Variants in BRIP1 observed in about 807,000 individuals in gnomAD.
BRIP1 encodes BRCA1 interacting DNA helicase 1, also known as Fanconi anemia group J protein.
Under a neutral mutation model 119.7 loss-of-function variants are expected in BRIP1, and 88 were observed. The ratio of observed to expected loss-of-function variants is 0.74; its 90% confidence interval spans 0.62 to 0.88. BRIP1 has a LOEUF of 0.88. BRIP1 is among the 40% of genes least tolerant of loss of function. The pLI is 0.00. For missense variants in BRIP1, 1,259 were observed against 1,455.4 expected (o/e 0.87, Z 2.20); for synonymous variants, 443 against 496.5 (o/e 0.89, Z 1.43).
chr17:61,856,410 T>C lies in BRIP1; in HGVS notation c.379+648A>G, dbSNP rs2078896856. On this transcript the variant is annotated intron_variant, in intron 4 of 19. Transcript: ENST00000259008. The surrounding 1 kb of genome is among the most constrained non-coding windows in gnomAD (Gnocchi z 5.1). Reference sequence around the variant, plus strand: ...GGATGCTCTAAACAAGAAATGGTAGTTTGGACTATGGAGGTACCAATGGAT... The same window carrying C: ...GGATGCTCTAAACAAGAAATGGTAGCTTGGACTATGGAGGTACCAATGGAT... Among the ~76,000 whole-genome samples, 1 of 152,184 alleles carries C rather than the reference T, an allele frequency of 6.6e-6. No homozygotes were observed.
chr17:61,746,491 G>A lies in BRIP1; in HGVS notation c.2098-1900C>T, dbSNP rs558289086. Among the ~76,000 whole-genome samples the A allele has an allele frequency of 4.6e-5, 7 of 152,170 alleles. No individual in the cohort carries two copies. The highest frequency in any genetic ancestry group is 7.4e-5 in the Non-Finnish European group (5 of 67,964). On this transcript the variant is annotated intron_variant, in intron 14 of 19. Transcript: ENST00000259008. The surrounding 1 kb of genome is among the most constrained non-coding windows in gnomAD (Gnocchi z 4.9). ...CCCATAGGCTGAAAGTGAAGGGATA[G>A]AAAAAGATATTACTTATAAATGGTA...
Position 61,681,146 on chromosome 17 carries a change from A to T in BRIP1, c.*2150T>A, listed in dbSNP as rs1040365032. ...CGCCCCCACGATTCAATTACCTCCC[A>T]CTGGGTCCTTCCCACAACACGTCGG... On this transcript the variant is annotated 3_prime_UTR_variant, in exon 20 of 20. Transcript: ENST00000259008. This position sits in a 1 kb window ranked among gnomAD's most constrained non-coding sequence, Gnocchi z 5.1. 3 of 190,256 alleles carry T rather than the reference A, an allele frequency of 1.6e-5. No individual in the cohort carries two copies. The highest frequency in any genetic ancestry group is 4.7e-5 in the African/African-American group (2 of 42,870). 11.8% of individuals were successfully genotyped at this position (190,256 alleles called of 1,614,324 possible). A position where few individuals can be genotyped will look rare whatever the true frequency, so the allele number is the denominator to read the frequency against.
chr17:61,765,415 ATATATATATTTTTTTTTTTTTTTTTTTT>A (rs1567799079), intron 14 of BRIP1, among the ~76,000 whole-genome samples: 1 of 13,682 alleles, frequency 7.3e-5, no homozygotes, highest in African/African-American at 4.0e-4. Context: ...ATATATATAT[ATATATATATTTTTTTTTTTTTTTTTTTT>A]TTTTTTTTTT....
At chr17:61,813,690 C>T (rs1482282949) in intron 6 of BRIP1, among the ~76,000 whole-genome samples, 3 of 151,976 alleles carry the variant, frequency 2.0e-5, no homozygotes, top group African/African-American at 4.8e-5. Context: ...AATAATACTG[C>T]CATTTTTAAG....
intron 6 of BRIP1, among the ~76,000 whole-genome samples, chr17:61,837,503 C>T (rs2078592692): frequency 6.6e-6 from 1 of 151,754 alleles, no homozygotes; most frequent in African/African-American, 2.4e-5. Context: ...AATATAATTA[C>T]TTTAATTAAA....
Position 61,807,098 on chromosome 17 carries a change from T to C in BRIP1, c.918+1369A>G, listed in dbSNP as rs981343134. 1.4e-4 allele frequency among the ~76,000 whole-genome samples: 21 copies of C among 152,232 alleles called. No homozygotes were observed. The highest frequency in any genetic ancestry group is 2.6e-4 in the Non-Finnish European group (18 of 68,040). ...AGCAAGTCTTCTTGCATAGGCTATA[T>C]AGCCAAAAAATAAATTTCAAGCATT... On this transcript the variant is annotated intron_variant, in intron 7 of 19. Coordinates refer to ENST00000259008, the MANE Select transcript of BRIP1 (RefSeq NM_032043.3). This position sits in a 1 kb window ranked among gnomAD's most constrained non-coding sequence, Gnocchi z 4.5.
At position 61,845,720 on chromosome 17, in the gene BRIP1, A is replaced by G. The variant is rs1319529978; in HGVS notation, c.627+1381T>C. ...GTCAGCTCACAATCCAAACTATCCT[A>G]CAGGCGCTTCTCCCCAGGACATCCA... is the stretch of plus-strand genomic sequence containing the variant. On this transcript the variant is annotated intron_variant, in intron 6 of 19. Coordinates refer to ENST00000259008, the MANE Select transcript of BRIP1 (RefSeq NM_032043.3). This position sits in a 1 kb window ranked among gnomAD's most constrained non-coding sequence, Gnocchi z 4.2. 2.0e-5 allele frequency among the ~76,000 whole-genome samples: 3 copies of G among 152,200 alleles called. No individual in the cohort carries two copies. Among genetic ancestry groups the G allele is most frequent in the African/African-American group, 7.2e-5 (3 of 41,446 alleles).
At position 61,780,144 on chromosome 17, in the gene BRIP1, G is replaced by T; in HGVS notation, c.1935+117C>A. 1.8e-6 allele frequency: 2 copies of T among 1,130,404 alleles called. No homozygotes were observed. The highest frequency in any genetic ancestry group is 1.3e-6 in the Non-Finnish European group (1 of 768,294). The allele number at this position is 1,130,404 out of a possible 1,614,324, so 70.0% of individuals were successfully genotyped here. A position where few individuals can be genotyped will look rare whatever the true frequency, so the allele number is the denominator to read the frequency against. ...TTTTCTTTTATTGTAAAACTGGAAT[G>T]TTGAATTTCCTACCAAGATTTACTT... On this transcript the variant is annotated intron_variant, in intron 13 of 19. Coordinates refer to ENST00000259008, the MANE Select transcript of BRIP1 (RefSeq NM_032043.3). This position sits in a 1 kb window ranked among gnomAD's most constrained non-coding sequence, Gnocchi z 5.4.
chr17:61,813,895 A>C (rs886634603), intron 6 of BRIP1, among the ~76,000 whole-genome samples: 1 of 151,954 alleles, frequency 6.6e-6, no homozygotes, highest in African/African-American at 2.4e-5. Context: ...CACCATTTTC[A>C]CTCATAAACC....
rs2077437365 is a variant in BRIP1, at chr17:61,770,811, C to G, written c.2097+5590G>C. 6.6e-6 allele frequency among the ~76,000 whole-genome samples: 1 copy of G among 151,858 alleles called. No homozygotes were observed. Among genetic ancestry groups the G allele is most frequent in the South Asian group, 2.1e-4 (1 of 4,802 alleles). ...TGACACATTAGAAAAATTTAAATGG[C>G]ACACTAGAAAATATCTATCTATTAG... On this transcript the variant is annotated intron_variant, in intron 14 of 19. Coordinates refer to ENST00000259008, the MANE Select transcript of BRIP1 (RefSeq NM_032043.3). The surrounding 1 kb of genome is among the most constrained non-coding windows in gnomAD (Gnocchi z 4.7).
chr17:61,760,991 A>G lies in BRIP1; in HGVS notation c.2097+15410T>C, dbSNP rs1389417713. 2.0e-5 allele frequency among the ~76,000 whole-genome samples: 3 copies of G among 152,080 alleles called. No individual in the cohort carries two copies. Among genetic ancestry groups the G allele is most frequent in the Non-Finnish European group, 4.4e-5 (3 of 67,936 alleles). On this transcript the variant is annotated intron_variant, in intron 14 of 19. Coordinates refer to ENST00000259008, the MANE Select transcript of BRIP1 (RefSeq NM_032043.3). The surrounding 1 kb of genome is among the most constrained non-coding windows in gnomAD (Gnocchi z 4.6). ...AGGCCAATATCCTTGATAAATAGAA[A>G]AGCAAAAATCCTCAACAAAATACTA...
chr17:61,843,134 A>G lies in BRIP1; in HGVS notation c.627+3967T>C, dbSNP rs2078680971. ...GATGTAGAAGGAAAAATACTACATG[A>G]TCTCACTTATACGTGGAATCTAAAA... On this transcript the variant is annotated intron_variant, in intron 6 of 19. Transcript: ENST00000259008. The surrounding 1 kb of genome is among the most constrained non-coding windows in gnomAD (Gnocchi z 5.7). Among the ~76,000 whole-genome samples, 2 of 152,226 alleles carry G rather than the reference A, an allele frequency of 1.3e-5. No homozygotes were observed. Among genetic ancestry groups the G allele is most frequent in the Admixed American group, 1.3e-4 (2 of 15,288 alleles).
chr17:61,797,281 A>G (rs1343790182), intron 9 of BRIP1, among the ~76,000 whole-genome samples: 4 of 151,900 alleles, frequency 2.6e-5, no homozygotes, highest in African/African-American at 7.3e-5. Flanking sequence ...ATCAAAAAGA[A>G]TAAGAATTAT....
At chr17:61,733,000 A>G (rs1266289510) in intron 16 of BRIP1, among the ~76,000 whole-genome samples, 1 of 152,198 alleles carries the variant, frequency 6.6e-6, no homozygotes, top group Non-Finnish European at 1.5e-5. Context: ...GGCCGTCATT[A>G]ACATAGTTTT....
At chr17:61,716,833 T>TAATATGCTTCCATATTGTTTCCAC (rs1288480824) in intron 16 of BRIP1, among the ~76,000 whole-genome samples, 1 of 17,472 alleles carries the variant, frequency 5.7e-5, no homozygotes, top group Non-Finnish European at 1.3e-4. Context: ...CACTACTGGA[T>TAATATGCTTCCATATTGTTTCCAC]TATTAGCTAT....
In BRIP1 at chr17:61,756,464, T is replaced by C. The variant is rs1217522243; in HGVS notation, c.2098-11873A>G. Among the ~76,000 whole-genome samples the C allele has an allele frequency of 6.6e-6, 1 of 152,212 alleles. No individual in the cohort carries two copies. Among genetic ancestry groups the C allele is most frequent in the East Asian group, 1.9e-4 (1 of 5,192 alleles). On this transcript the variant is annotated intron_variant, in intron 14 of 19. Coordinates refer to ENST00000259008, the MANE Select transcript of BRIP1 (RefSeq NM_032043.3). This position sits in a 1 kb window ranked among gnomAD's most constrained non-coding sequence, Gnocchi z 4.3. ...TCATATAGGGAGACCAGCCAACATA[T>C]AGTGATAGAGATGATTTAATTTACT...
Position 61,799,242 on chromosome 17 carries a change from C to G in BRIP1, c.1198G>C (p.Asp400His), listed in dbSNP as rs764711572. The G allele has an allele frequency of 3.1e-6, 5 of 1,613,588 alleles. No individual in the cohort carries two copies. The highest frequency in any genetic ancestry group is 4.2e-6 in the Non-Finnish European group (5 of 1,179,660). The change falls in exon 9 of 20, where the codon GAC becomes CAC. Residue 400 changes from aspartate (D) to histidine (H), a missense_variant. Coordinates refer to ENST00000259008, the MANE Select transcript of BRIP1 (RefSeq NM_032043.3). This position sits in a 1 kb window ranked among gnomAD's most constrained non-coding sequence, Gnocchi z 5.1. The part of the protein sequence containing the change: ...VILDEAHNIE[D>H]CARESASYSV... Reference sequence around the variant, plus strand: ...TAACTTGCTGATTCCCGAGCACAGTCCTCGATGTTATGAGCTTCATCTAAA... The same window carrying G: ...TAACTTGCTGATTCCCGAGCACAGTGCTCGATGTTATGAGCTTCATCTAAA...
Position 61,683,398 on chromosome 17 carries a change from AG to A in BRIP1, c.3647del (p.Thr1216IlefsTer3), listed in dbSNP as rs756079324. 6.2e-7 allele frequency: 1 copy of A among 1,613,370 alleles called. No individual in the cohort carries two copies. Among genetic ancestry groups the A allele is most frequent in the South Asian group, 1.1e-5 (1 of 90,944 alleles). On this transcript the variant is annotated frameshift_variant, in exon 20 of 20. Coordinates refer to ENST00000259008, the MANE Select transcript of BRIP1 (RefSeq NM_032043.3). LOFTEE classifies it low-confidence loss of function (END_TRUNC). This position sits in a 1 kb window ranked among gnomAD's most constrained non-coding sequence, Gnocchi z 4.7. ...IDDIDGNVKT[T>X]WINELELGKT... is the part of the protein sequence containing the mutation. ...TTCCCAGTTCCAGTTCATTTATCCA[AG>A]TTGTTTTTACATTACCATCAATGTC...
chr17:61,833,468 G>A (rs1426921415), intron 6 of BRIP1, among the ~76,000 whole-genome samples: 2 of 152,106 alleles, frequency 1.3e-5, no homozygotes, highest in African/African-American at 4.8e-5. Flanking sequence ...TTGGGAGTTC[G>A]AAACATGCCT....
Sources: allele counts gnomAD v4.1 joint callset (sites outside exome capture counted in the v4.1 genomes callset), GRCh38; gene constraint gnomAD v4.1.1; non-coding constraint Gnocchi (gnomAD v3.1); transcripts MANE v1.5; gene names NCBI Gene and HGNC (gene_info 2026-07-23, HGNC 2026-07-21).